PIK3AP1: variants seen among roughly 807,000 people sequenced by gnomAD.
PIK3AP1 encodes phosphoinositide-3-kinase adaptor protein 1, also known as phosphoinositide 3-kinase adapter protein 1.
PIK3AP1 carries 21 observed loss-of-function variants against 88.1 expected under a neutral mutation model. The ratio of observed to expected loss-of-function variants is 0.24; its 90% CI spans 0.17 to 0.34. The LOEUF is 0.34. Ranked by LOEUF, PIK3AP1 falls within the 10% of genes least tolerant of loss-of-function variation. The pLI is 1.00. For synonymous variants in PIK3AP1, 398 were observed against 400.0 expected (o/e 1.00, Z 0.06); for missense variants, 828 against 1,035.7 (o/e 0.80, Z 2.75).
At position 96,623,472 on chromosome 10, in the gene PIK3AP1, C is replaced by T. The variant is rs144966728; in HGVS notation, c.1735G>A (p.Gly579Arg). 608 of 1,609,772 alleles carry T rather than the reference C, an allele frequency of 3.8e-4. 2 individuals carry two copies. The highest frequency in any genetic ancestry group is 5.8e-5 in the Non-Finnish European group (68 of 1,176,500). ...FYVSSESIRK[G>R]PPVRPWRDRP... ...TCAGTTCATATAACACATGGCTTAC[C>T]TTTCCTGATGCTCTCTGAGGAAACG... Residue 579 changes from glycine (G) to arginine (R), a missense_variant and splice_region_variant, in exon 11 of 17, where the codon GGG (glycine) becomes AGG (arginine). Gly to Arg is a moderately radical substitution (Grantham distance 125). Coordinates refer to ENST00000339364, the MANE Select transcript of PIK3AP1 (RefSeq NM_152309.3).
chr10:96,622,655 C>G (rs1843100644), intron 11 of PIK3AP1, among the ~76,000 whole-genome samples: 1 of 152,164 alleles, frequency 6.6e-6, no homozygotes, highest in Non-Finnish European at 1.5e-5. Flanking sequence ...AATGCACAAG[C>G]CAACCAGTTC....
At chr10:96,629,513 C>CTT (rs1843208381) in intron 8 of PIK3AP1, among the ~76,000 whole-genome samples, 2 of 151,834 alleles carry the variant, frequency 1.3e-5, no homozygotes, top group African/African-American at 2.4e-5. Context: ...ATACAATATA[C>CTT]TAGATAATTA....
chr10:96,623,423 T>C, intron 11 of PIK3AP1, 49 bp downstream of exon 11: 1 of 1,504,460 alleles, frequency 6.6e-7, no homozygotes. Context: ...CACTGACCTA[T>C]GAACACTTCA....
In PIK3AP1 at chr10:96,594,485, A is replaced by G. The variant is rs1366013224; in HGVS notation, c.*1092T>C. On this transcript the variant is annotated 3_prime_UTR_variant, in exon 17 of 17. Coordinates refer to ENST00000339364, the MANE Select transcript of PIK3AP1 (RefSeq NM_152309.3). The surrounding 1 kb of genome is among the most constrained non-coding windows in gnomAD (Gnocchi z 4.6). ...TTTGAAACTTTGTAGATTTTTTTTC[A>G]AATATTTTTGATCCAAGGTTGGTTG... 1 of 152,120 alleles carries G rather than the reference A, an allele frequency of 6.6e-6. No homozygotes were observed. The highest frequency in any genetic ancestry group is 1.9e-4 in the East Asian group (1 of 5,198). 9.4% of individuals were successfully genotyped at this position (152,120 alleles called of 1,614,324 possible).
chr10:96,612,978 ATATATTTTTTTTTTTTTTTTTTTT>A (rs1433320663), intron 13 of PIK3AP1, among the ~76,000 whole-genome samples: 67 of 46,964 alleles, frequency 1.4e-3, no homozygotes, highest in African/African-American at 6.2e-3. Context: ...ATATATATAT[ATATATTTTTTTTTTTTTTTTTTTT>A]TTTTTTTTTT....
chr10:96,660,681 T>TA (rs1205012968), intron 2 of PIK3AP1, among the ~76,000 whole-genome samples: 1 of 152,186 alleles, frequency 6.6e-6, no homozygotes, highest in East Asian at 1.9e-4. Flanking sequence ...ATTGAAAACT[T>TA]ACAGTCACAC....
intron 1 of PIK3AP1, among the ~76,000 whole-genome samples, chr10:96,712,342 G>C (rs542216916): frequency 6.6e-6 from 1 of 152,238 alleles, no homozygotes; most frequent in East Asian, 1.9e-4. Context: ...TTCTGATCAC[G>C]GTCTGTTCCC....
intron 6 of PIK3AP1, among the ~76,000 whole-genome samples, chr10:96,650,220 G>T (rs1046214132): frequency 6.6e-6 from 1 of 152,158 alleles, no homozygotes; most frequent in African/African-American, 2.4e-5. Context: ...AGTCCCCCAG[G>T]AGAAGGCCTC....
intron 8 of PIK3AP1, among the ~76,000 whole-genome samples, chr10:96,631,710 C>A (rs192743141): frequency 7.0e-4 from 106 of 152,048 alleles, no homozygotes; most frequent in South Asian, 1.5e-3. Context: ...ATGGCAAAAC[C>A]CCATCTCTAC....
intron 1 of PIK3AP1, among the ~76,000 whole-genome samples, chr10:96,716,283 TTAAA>T (rs556728068): frequency 8.6e-5 from 13 of 151,954 alleles, no homozygotes; most frequent in East Asian, 1.9e-4. Flanking sequence ...CCCTGTCTCA[TTAAA>T]TAAATAAATA....
Position 96,645,455 on chromosome 10 carries a change from C to G in PIK3AP1, c.1375+18G>C. 1 of 1,608,978 alleles carries G rather than the reference C, an allele frequency of 6.2e-7. No homozygotes were observed. The highest frequency in any genetic ancestry group is 2.2e-5 in the East Asian group (1 of 44,672). Reference sequence around the variant, plus strand: ...TCTCAGCAGAAAGGTGGAAGCAGAACTGGGTTGTGCTACTTACAGAGGTCT... The same window carrying G: ...TCTCAGCAGAAAGGTGGAAGCAGAAGTGGGTTGTGCTACTTACAGAGGTCT... On this transcript the variant is annotated intron_variant, in intron 8 of 16. Transcript: ENST00000339364.
At chr10:96,641,366 G>C (rs568789897) in intron 8 of PIK3AP1, among the ~76,000 whole-genome samples, 44 of 152,252 alleles carry the variant, frequency 2.9e-4, no homozygotes, top group African/African-American at 1.0e-3. Flanking sequence ...ACAGTTAGGT[G>C]ATCTCCAAAG....
intron 2 of PIK3AP1, among the ~76,000 whole-genome samples, chr10:96,708,904 G>A (rs1237931189): frequency 1.3e-5 from 2 of 152,114 alleles, no homozygotes; most frequent in Non-Finnish European, 1.5e-5. Context: ...GCTGAGGCGG[G>A]TGGATCATTT....
In PIK3AP1 at chr10:96,645,659, T is replaced by C; in HGVS notation, c.1189A>G (p.Thr397Ala). ...ATGTGACTCTTGAGCATGTCCACCG[T>C]TTCCTGAAAGAGAAGATGAGGCCCA... ...LRQFIDEYVETVDMLKSHIKE... is the reference protein window; with the variant it reads ...LRQFIDEYVEAVDMLKSHIKE... The change falls in exon 8 of 17, where the codon ACG becomes GCG. Residue 397 changes from threonine to alanine, a missense_variant. Thr to Ala is a moderately conservative substitution (Grantham distance 58, BLOSUM62 0). Around this residue, in one of 3 missense-constraint regions of PIK3AP1, gnomAD observed 610 missense variants for 760.1 expected, o/e 0.80. Transcript: ENST00000339364. The C allele has an allele frequency of 6.3e-7, 1 of 1,587,540 alleles. No individual in the cohort carries two copies.
chr10:96,649,703 G>A (rs1171472234), intron 6 of PIK3AP1, among the ~76,000 whole-genome samples: 1 of 152,192 alleles, frequency 6.6e-6, no homozygotes, highest in African/African-American at 2.4e-5. Flanking sequence ...GGACCTGGGA[G>A]GATAAGTAAG....
intron 13 of PIK3AP1, among the ~76,000 whole-genome samples, chr10:96,612,946 GTGTGTATATATA>G (rs1207592146): frequency 1.9e-4 from 8 of 42,200 alleles, no homozygotes; most frequent in East Asian, 6.7e-4. Context: ...AATTGTGTGT[GTGTGTATATATA>G]TATATATATA....
rs1848714909 is a variant in PIK3AP1 at position 96,593,949 on chromosome 10, C to T, written c.*1628G>A. On this transcript the variant is annotated 3_prime_UTR_variant, in exon 17 of 17. Transcript: ENST00000339364. ...TAGAAAAGGACCCAATAAAACTATA[C>T]TTAAATGGATCATTAATGTGGATTT... The T allele has an allele frequency of 1.3e-5, 2 of 152,200 alleles. No homozygotes were observed. The highest frequency in any genetic ancestry group is 2.1e-4 in the South Asian group (1 of 4,836). The allele number at this position is 152,200 out of a possible 1,614,324, so 9.4% of individuals were successfully genotyped here.
At chr10:96,673,126 G>T (rs1392910673) in intron 2 of PIK3AP1, among the ~76,000 whole-genome samples, 1 of 152,228 alleles carries the variant, frequency 6.6e-6, no homozygotes, top group Non-Finnish European at 1.5e-5. Context: ...AAGGGGAAAA[G>T]ATTCTGCTAG....
chr10:96,671,260 G>A (rs1022972643), intron 2 of PIK3AP1, among the ~76,000 whole-genome samples: 16 of 152,332 alleles, frequency 1.1e-4, no homozygotes, highest in African/African-American at 3.4e-4. Context: ...GGTTGGAGGT[G>A]AGAGGCTTGC....
Sources: allele counts gnomAD v4.1 joint callset (sites outside exome capture counted in the v4.1 genomes callset), GRCh38; gene constraint gnomAD v4.1.1; regional missense constraint gnomAD v4.1.1; non-coding constraint Gnocchi (gnomAD v3.1); transcripts MANE v1.5; gene names NCBI Gene and HGNC (gene_info 2026-07-23, HGNC 2026-07-21).